GPLD1: variants seen among roughly 807,000 people sequenced by gnomAD.
GPLD1 encodes glycosylphosphatidylinositol specific phospholipase D1.
In GPLD1, 84 loss-of-function variants were observed where a neutral mutation model predicts 112.6. The ratio of observed to expected loss-of-function variants is 0.75; its 90% CI spans 0.63 to 0.89. The LOEUF (loss-of-function observed/expected upper bound fraction) is 0.89. Ranked by LOEUF, GPLD1 falls within the 40% of genes least tolerant of loss-of-function variation. The pLI is 0.00. For synonymous variants in GPLD1, 386 were observed against 403.8 expected (o/e 0.96, Z 0.53); for missense variants, 1,044 against 1,051.5 (o/e 0.99, Z 0.10).
At chr6:24,441,609 G>A (rs1762748731) in intron 20 of GPLD1, among the ~76,000 whole-genome samples, 1 of 152,190 alleles carries the variant, frequency 6.6e-6, no homozygotes, top group South Asian at 2.1e-4. Context: ...TGTGGATTAG[G>A]AAATGAGGAA....
chr6:24,468,013 T>C (rs1763674870), intron 7 of GPLD1, among the ~76,000 whole-genome samples: 1 of 152,088 alleles, frequency 6.6e-6, no homozygotes, highest in South Asian at 2.1e-4. Context: ...TTCAAGCAAT[T>C]CTCCTGCCTC....
At chr6:24,429,458 G>A (rs1268499725) in intron 24 of GPLD1, among the ~76,000 whole-genome samples, 3 of 152,178 alleles carry the variant, frequency 2.0e-5, no homozygotes, top group Non-Finnish European at 4.4e-5. Context: ...TTGTCAATGT[G>A]TTTAGCGTAC....
Position 24,428,977 on chromosome 6 carries a change from T to C in GPLD1, c.*55A>G. On this transcript the variant is annotated 3_prime_UTR_variant, in exon 25 of 25. Coordinates refer to ENST00000230036, the MANE Select transcript of GPLD1 (RefSeq NM_001503.4). ...ACTTTGTCCATCAAAATGCTCACCATGGATGTGATTCAGCATGAGAGAGGT... is the reference window on the plus strand; with the variant it reads ...ACTTTGTCCATCAAAATGCTCACCACGGATGTGATTCAGCATGAGAGAGGT... The C allele has an allele frequency of 2.4e-6, 3 of 1,233,544 alleles. No homozygotes were observed. The highest frequency in any genetic ancestry group is 3.5e-6 in the Non-Finnish European group (3 of 845,924). 76.4% of individuals were successfully genotyped at this position (1,233,544 alleles called of 1,614,324 possible).
intron 5 of GPLD1, among the ~76,000 whole-genome samples, chr6:24,473,995 G>A (rs1002302907): frequency 6.6e-6 from 1 of 151,828 alleles, no homozygotes; most frequent in African/African-American, 2.4e-5. Flanking sequence ...GCATGGTGGC[G>A]GGTTCTGGTA....
At chr6:24,445,944 C>T (rs1762897509) in intron 18 of GPLD1, 113 bp from the exon 19 acceptor site, 1 of 738,566 alleles carries the variant, frequency 1.4e-6, no homozygotes, top group Non-Finnish European at 2.4e-6. Context: ...TCCCAGCAGG[C>T]TCTGTCTCTG....
chr6:24,463,044 C>T (rs538951182), intron 10 of GPLD1, among the ~76,000 whole-genome samples: 1 of 152,178 alleles, frequency 6.6e-6, no homozygotes, highest in African/African-American at 2.4e-5. Flanking sequence ...CTTCCCTCCC[C>T]GCTCCACCTG....
In GPLD1 at chr6:24,460,270, A is replaced by C. The variant is rs1329482991; in HGVS notation, c.1008+9T>G. On this transcript the variant is annotated intron_variant, in intron 12 of 24. Transcript: ENST00000230036. ...TCCTCTTTCTCAACTTAGAGCAGAA[A>C]ATTCTTACCGGGGTCCAGGAATTTA... 2 of 1,613,820 alleles carry C rather than the reference A, an allele frequency of 1.2e-6. No homozygotes were observed. The highest frequency in any genetic ancestry group is 2.7e-5 in the African/African-American group (2 of 75,016).
chr6:24,434,011 G>C (rs1762490675), intron 22 of GPLD1, among the ~76,000 whole-genome samples: 2 of 152,044 alleles, frequency 1.3e-5, no homozygotes, highest in Non-Finnish European at 2.9e-5. Flanking sequence ...TTTGTCTGTA[G>C]ATAAAATACT....
At chr6:24,451,098 G>A (rs939159184) in intron 14 of GPLD1, among the ~76,000 whole-genome samples, 3 of 152,216 alleles carry the variant, frequency 2.0e-5, no homozygotes, top group African/African-American at 4.8e-5. Flanking sequence ...GCACAGCTAC[G>A]GAACATTCCT....
At chr6:24,433,468 T>TA in intron 22 of GPLD1, 79 bp from the exon 23 acceptor site, 1 of 909,334 alleles carries the variant, frequency 1.1e-6, no homozygotes, top group Non-Finnish European at 1.7e-6. Flanking sequence ...ATTATACCCT[T>TA]ATACCCTCAT....
chr6:24,494,533 CATTTAGGGCAGGCACCAGCGCATCTATGG>C (rs1764639870), upstream of GPLD1, among the ~76,000 whole-genome samples: 1 of 152,140 alleles, frequency 6.6e-6, no homozygotes, highest in Admixed American at 6.5e-5. Flanking sequence ...ACGGCCTTGG[CATTTAGGGCAGGCACCAGCGCATCTATGG>C]ACCGCGCACA....
intron 1 of GPLD1, among the ~76,000 whole-genome samples, chr6:24,488,606 T>C (rs1231403945): frequency 6.6e-6 from 1 of 150,520 alleles, no homozygotes; most frequent in East Asian, 1.9e-4. Flanking sequence ...TCAGCCCATA[T>C]GCAAAAAACA....
In GPLD1 at chr6:24,429,132, A is replaced by G. The variant is rs768478605; in HGVS notation, c.2437-14T>C. The stretch of plus-strand genomic sequence containing the variant: ...GACGACTTGGTTCTGTAAGGGACAC[A>G]AGACAGAATTCATGGCTCATTCATA... On this transcript the variant is annotated splice_polypyrimidine_tract_variant and intron_variant, in intron 24 of 24. Coordinates refer to ENST00000230036, the MANE Select transcript of GPLD1 (RefSeq NM_001503.4). 3 of 1,569,214 alleles carry G rather than the reference A, an allele frequency of 1.9e-6. No homozygotes were observed. Among genetic ancestry groups the G allele is most frequent in the Non-Finnish European group, 2.6e-6 (3 of 1,139,792 alleles).
At chr6:24,480,058 G>C (rs1296103431) in intron 2 of GPLD1, 99 bp from the exon 3 acceptor site, 1 of 716,540 alleles carries the variant, frequency 1.4e-6, no homozygotes, top group African/African-American at 1.8e-5. Context: ...AGAAATATGG[G>C]GGTATAGATG....
In GPLD1 at chr6:24,449,830, C is replaced by T. The variant is rs142854013; in HGVS notation, c.1405G>A (p.Val469Met). 9.5e-5 allele frequency: 153 copies of T among 1,613,868 alleles called. No homozygotes were observed. Among genetic ancestry groups the T allele is most frequent in the Middle Eastern group, 3.3e-4 (2 of 6,056 alleles). ...FNVDGVPDLA[V>M]GAPSVGSEQL... The stretch of plus-strand genomic sequence containing the variant: ...TCGGAGCCCACCGAGGGAGCTCCCA[C>T]GGCCAGGTCAGGCACGCCGTCCACG... Residue 469 changes from valine to methionine, a missense_variant, in exon 15 of 25, where the codon GTG becomes ATG. Physicochemically the swap from Val to Met is conservative, Grantham distance 21 (BLOSUM62 1). Transcript: ENST00000230036.
chr6:24,448,265 T>A, intron 15 of GPLD1, 57 bp from the exon 16 acceptor site: 1 of 1,133,820 alleles, frequency 8.8e-7, no homozygotes, highest in Non-Finnish European at 1.3e-6. Context: ...CCAAGAACCT[T>A]AAATAACAGA....
intron 14 of GPLD1, among the ~76,000 whole-genome samples, chr6:24,452,530 C>T (rs1272361152): frequency 1.3e-5 from 2 of 152,138 alleles, no homozygotes; most frequent in Non-Finnish European, 2.9e-5. Context: ...AATCCCGGCA[C>T]TTTGGGAGGC....
chr6:24,445,972 G>T, intron 18 of GPLD1, 141 bp from the exon 19 acceptor site: 1 of 646,358 alleles, frequency 1.5e-6, no homozygotes, highest in East Asian at 2.7e-5. Flanking sequence ...AGGCCTGGAA[G>T]TGTGGGGACT....
chr6:24,464,092 G>A (rs1382433961), intron 10 of GPLD1, among the ~76,000 whole-genome samples: 1 of 152,126 alleles, frequency 6.6e-6, no homozygotes, highest in Non-Finnish European at 1.5e-5. Context: ...GTAAGTGCAG[G>A]TCAATCACTC....
Sources: allele counts gnomAD v4.1 joint callset (sites outside exome capture counted in the v4.1 genomes callset), GRCh38; gene constraint gnomAD v4.1.1; transcripts MANE v1.5; gene names NCBI Gene and HGNC (gene_info 2026-07-23, HGNC 2026-07-21).